The following PDCD1LG2 variants were observed in gnomAD, a reference collection of about 807,000 sequenced individuals.
PDCD1LG2 encodes programmed cell death 1 ligand 2, also known as B7 dendritic cell molecule.
A neutral mutation model predicts 28.2 loss-of-function variants in PDCD1LG2; 32 were observed. The ratio of observed to expected loss-of-function variants is 1.13; its 90% CI spans 0.86 to 1.52. The LOEUF (loss-of-function observed/expected upper bound fraction) is 1.52. Ranked by LOEUF, PDCD1LG2 falls within the 40% of genes most tolerant of loss-of-function variation. The probability of loss-of-function intolerance (pLI) is 0.00; values close to 1 mark genes in which losing one functional copy is unlikely to be tolerated. For missense variants in PDCD1LG2, 385 were observed against 323.8 expected, an observed-to-expected ratio of 1.19 and a Z score of -1.45; for synonymous variants, 116 against 120.2, an observed-to-expected ratio of 0.97 and a Z score of 0.23.
intron 2 of PDCD1LG2, among the ~76,000 whole-genome samples, chr9:5,528,479 T>A (rs897913721): frequency 2.0e-5 from 3 of 151,048 alleles, no homozygotes; most frequent in South Asian, 2.1e-4. Flanking sequence ...TTTTTTTTTT[T>A]AATTTTGTAG....
At chr9:5,514,904 G>A (rs1290835610) in intron 1 of PDCD1LG2, among the ~76,000 whole-genome samples, 1 of 152,110 alleles carries the variant, frequency 6.6e-6, no homozygotes, top group African/African-American at 2.4e-5. Flanking sequence ...CTCAGGGGAG[G>A]ATTTATGAAG....
chr9:5,571,220 C>T lies in PDCD1LG2; in HGVS notation c.*1261C>T, dbSNP rs574820684. On this transcript the variant is annotated 3_prime_UTR_variant, in exon 7 of 7. Coordinates refer to ENST00000397747, the MANE Select transcript of PDCD1LG2 (RefSeq NM_025239.4). ...CAATTCTCATGTAAATCAGAGAATG[C>T]CTTTAAAGAATAAAACTCAATTGTT... 1.6e-4 allele frequency: 37 copies of T among 232,520 alleles called. 1 individual carries two copies. The highest frequency in any genetic ancestry group is 7.7e-4 in the African/African-American group (35 of 45,394). The allele number at this position is 232,520 out of a possible 1,614,324, so 14.4% of individuals were successfully genotyped here.
intron 2 of PDCD1LG2, among the ~76,000 whole-genome samples, chr9:5,533,206 T>C (rs186918025): frequency 2.6e-5 from 4 of 152,360 alleles, no homozygotes; most frequent in Non-Finnish European, 4.4e-5. Flanking sequence ...ATTCAGAAAC[T>C]ACTTCAAGAT....
At position 5,549,514 on chromosome 9, in the gene PDCD1LG2, C is replaced by A. The variant is rs544152379; in HGVS notation, c.541C>A (p.Arg181Ser). Residue 181 changes from arginine to serine, a missense_variant, in exon 4 of 7, where the codon CGC becomes AGC. Physicochemically the swap from Arg to Ser is moderately radical, Grantham distance 110 (BLOSUM62 -1). Coordinates refer to ENST00000397747, the MANE Select transcript of PDCD1LG2 (RefSeq NM_025239.4). Reference protein sequence around the residue: ...EGLYQVTSVLRLKPPPGRNFS... With the variant: ...EGLYQVTSVLSLKPPPGRNFS... Reference sequence around the variant, plus strand: ...CCTCTACCAGGTCACCAGTGTTCTGCGCCTAAAGCCACCCCCTGGCAGAAA... The same window carrying A: ...CCTCTACCAGGTCACCAGTGTTCTGAGCCTAAAGCCACCCCCTGGCAGAAA... 6.2e-7 allele frequency: 1 copy of A among 1,614,180 alleles called. No individual in the cohort carries two copies. The highest frequency in any genetic ancestry group is 8.5e-7 in the Non-Finnish European group (1 of 1,180,036).
chr9:5,539,348 G>C (rs1028048443), intron 3 of PDCD1LG2, among the ~76,000 whole-genome samples: 9 of 152,118 alleles, frequency 5.9e-5, no homozygotes, highest in African/African-American at 2.2e-4. Context: ...CCCCAATGAG[G>C]GTTCCCATGA....
At chr9:5,538,393 T>C (rs1820623217) in intron 3 of PDCD1LG2, among the ~76,000 whole-genome samples, 1 of 152,044 alleles carries the variant, frequency 6.6e-6, no homozygotes, top group African/African-American at 2.4e-5. Flanking sequence ...ATTTTAGAAA[T>C]GGACACATTA....
Position 5,570,182 on chromosome 9 carries a change from A to C in PDCD1LG2, c.*223A>C. ...ACTCACCTCTGGAGCCTATGGCTTT[A>C]AGCAAGCACTACTGCACTTTACAGA... On this transcript the variant is annotated 3_prime_UTR_variant, in exon 7 of 7. Transcript: ENST00000397747. 1.8e-6 allele frequency: 1 copy of C among 569,378 alleles called. No homozygotes were observed. 35.3% of individuals were successfully genotyped at this position (569,378 alleles called of 1,614,324 possible). A position where few individuals can be genotyped will look rare whatever the true frequency, so the allele number is the denominator to read the frequency against.
intron 1 of PDCD1LG2, among the ~76,000 whole-genome samples, chr9:5,515,312 T>C (rs1563818986): frequency 6.6e-6 from 1 of 152,212 alleles, no homozygotes; most frequent in Non-Finnish European, 1.5e-5. Flanking sequence ...GGCATGGTTG[T>C]TTGAACATGT....
rs59713660 is a variant in PDCD1LG2, at chr9:5,563,942, T to C, written c.816+731T>C. On this transcript the variant is annotated intron_variant, in intron 6 of 6. Transcript: ENST00000397747. ...ATCAGCTTTACTTCAAGTTAACTGATAGCAAATGATAATTACATCTACAAA... is the reference window on the plus strand; with the variant it reads ...ATCAGCTTTACTTCAAGTTAACTGACAGCAAATGATAATTACATCTACAAA... Among the ~76,000 whole-genome samples, 818 of 152,270 alleles carry C rather than the reference T, an allele frequency of 5.4e-3. 7 individuals carry two copies. The highest frequency in any genetic ancestry group is 0.019 in the African/African-American group (788 of 41,536).
chr9:5,520,674 G>C (rs1820256320), intron 1 of PDCD1LG2, among the ~76,000 whole-genome samples: 1 of 152,016 alleles, frequency 6.6e-6, no homozygotes, highest in African/African-American at 2.4e-5. Flanking sequence ...ATCAATTTGT[G>C]TTTCAAAATT....
chr9:5,554,884 C>G (rs895266967), intron 4 of PDCD1LG2, among the ~76,000 whole-genome samples: 2 of 152,276 alleles, frequency 1.3e-5, no homozygotes, highest in Non-Finnish European at 2.9e-5. Context: ...CTTAGCCACT[C>G]TAGCACTCAG....
rs1270755529 is a variant in PDCD1LG2 at position 5,549,488 on chromosome 9, G to C, written c.515G>C (p.Gly172Ala). The C allele has an allele frequency of 6.2e-7, 1 of 1,614,028 alleles. No homozygotes were observed. The highest frequency in any genetic ancestry group is 1.1e-5 in the South Asian group (1 of 91,086). The change falls in exon 4 of 7, where the codon GGC becomes GCC. Residue 172 changes from glycine to alanine, a missense_variant. Transcript: ENST00000397747. ...ACCAGCCACTCCAGGACCCCTGAAGGCCTCTACCAGGTCACCAGTGTTCTG... is the reference window on the plus strand; with the variant it reads ...ACCAGCCACTCCAGGACCCCTGAAGCCCTCTACCAGGTCACCAGTGTTCTG... ...ANTSHSRTPE[G>A]LYQVTSVLRL...
rs886394426 is a variant in PDCD1LG2 at position 5,555,142 on chromosome 9, C to T, written c.632-2476C>T. Among the ~76,000 whole-genome samples the T allele has an allele frequency of 6.6e-5, 10 of 152,200 alleles. No individual in the cohort carries two copies. In the East Asian group the frequency reaches 9.7e-4, roughly 15 times the overall value. ...AGAGTATGCCATTATTGGCCAGGTGCGGTGGCTCATGCCTGTAATCCTAGC... is the reference window on the plus strand; with the variant it reads ...AGAGTATGCCATTATTGGCCAGGTGTGGTGGCTCATGCCTGTAATCCTAGC... On this transcript the variant is annotated intron_variant, in intron 4 of 6. Transcript: ENST00000397747.
rs915980570 is a variant in PDCD1LG2, at chr9:5,570,683, G to A, written c.*724G>A. ...TACATCTTTCCTTTAAAAATTATTGGTTTCTTTTTATTTGTTTTTACCTTA... is the reference window on the plus strand; with the variant it reads ...TACATCTTTCCTTTAAAAATTATTGATTTCTTTTTATTTGTTTTTACCTTA... On this transcript the variant is annotated 3_prime_UTR_variant, in exon 7 of 7. Coordinates refer to ENST00000397747, the MANE Select transcript of PDCD1LG2 (RefSeq NM_025239.4). 1 of 231,528 alleles carries A rather than the reference G, an allele frequency of 4.3e-6. No individual in the cohort carries two copies. Among genetic ancestry groups the A allele is most frequent in the Non-Finnish European group, 8.5e-6 (1 of 117,252 alleles). The allele number at this position is 231,528 out of a possible 1,614,324, so 14.3% of individuals were successfully genotyped here. A position where few individuals can be genotyped will look rare whatever the true frequency, so the allele number is the denominator to read the frequency against.
intron 3 of PDCD1LG2, among the ~76,000 whole-genome samples, chr9:5,540,240 T>C (rs1191208304): frequency 6.6e-6 from 1 of 152,156 alleles, no homozygotes; most frequent in Non-Finnish European, 1.5e-5. Context: ...AAAGCAGTGC[T>C]AAGAGAAACA....
chr9:5,543,240 T>G (rs1173676101), intron 3 of PDCD1LG2, among the ~76,000 whole-genome samples: 2 of 151,694 alleles, frequency 1.3e-5, no homozygotes, highest in Non-Finnish European at 2.9e-5. Context: ...GGGTGAGAGA[T>G]AAAAAACTCC....
chr9:5,534,792 G>A lies in PDCD1LG2; in HGVS notation c.103G>A (p.Gly35Ser), dbSNP rs2129792538. The A allele has an allele frequency of 6.2e-7, 1 of 1,614,060 alleles. No homozygotes were observed. Among genetic ancestry groups the A allele is most frequent in the Non-Finnish European group, 8.5e-7 (1 of 1,179,988 alleles). Residue 35 changes from glycine to serine, a missense_variant, in exon 3 of 7, where the codon GGC (glycine) becomes AGC (serine). Gly to Ser is a moderately conservative substitution (Grantham distance 56). Coordinates refer to ENST00000397747, the MANE Select transcript of PDCD1LG2 (RefSeq NM_025239.4). ...VPKELYIIEH[G>S]SNVTLECNFD... ...TAAGGAACTGTACATAATAGAGCAT[G>A]GCAGCAATGTGACCCTGGAATGCAA...
intron 1 of PDCD1LG2, among the ~76,000 whole-genome samples, chr9:5,513,155 G>T (rs565393963): frequency 6.6e-6 from 1 of 152,164 alleles, no homozygotes; most frequent in South Asian, 2.1e-4. Context: ...ACTATTTCCC[G>T]ATTGGCAGCT....
chr9:5,548,622 G>A (rs1816259516), intron 3 of PDCD1LG2, among the ~76,000 whole-genome samples: 1 of 152,166 alleles, frequency 6.6e-6, no homozygotes, highest in African/African-American at 2.4e-5. Flanking sequence ...TCTTGAGGCA[G>A]GGAGCCATAT....
Sources: gnomAD v4.1 joint callset for allele counts (sites outside exome capture counted in the v4.1 genomes callset) on GRCh38, gnomAD v4.1.1 for gene constraint, MANE v1.5 for transcripts, NCBI Gene and HGNC (gene_info 2026-07-23, HGNC 2026-07-21) for gene names.